The following SYS1 variants were observed in gnomAD, a reference collection of about 807,000 sequenced individuals.
The protein encoded by SYS1 is SYS1 golgi trafficking protein.
In SYS1, 8 loss-of-function variants were observed where a neutral mutation model predicts 17.8. That is an observed-to-expected ratio of 0.45 (90% CI 0.26 to 0.81). The LOEUF (loss-of-function observed/expected upper bound fraction) is 0.81. SYS1 is among the 40% of genes least tolerant of loss of function. SYS1 has a pLI of 0.16. For synonymous variants in SYS1, 95 were observed against 90.9 expected (o/e 1.05, Z -0.26); for missense variants, 161 against 203.9 (o/e 0.79, Z 1.28).
intron 3 of SYS1, among the ~76,000 whole-genome samples, chr20:45,366,060 G>A (rs1231515710): frequency 6.6e-6 from 1 of 152,180 alleles, no homozygotes; most frequent in Non-Finnish European, 1.5e-5. Flanking sequence ...GTCCATGAGG[G>A]TTTGGACTCA....
At chr20:45,362,921 C>T (rs1988266616), upstream of SYS1, 1 of 160,696 alleles carries the variant, frequency 6.2e-6, no homozygotes, top group Non-Finnish European at 1.3e-5. Context: ...TAAGCCACCC[C>T]ACTTGCCTCT....
chr20:45,375,476 T>G (rs765273581), exon 4 of SYS1: 2 of 1,613,928 alleles, frequency 1.2e-6, no homozygotes, highest in East Asian at 4.5e-5. Flanking sequence ...TTCTTGGACT[T>G]GAGTTCCTTC....
In SYS1 at chr20:45,363,168, G is replaced by A; in HGVS notation, c.-151G>A. Reference sequence around the variant, plus strand: ...CCCGGAAACGTTTCTTTCCTACGCAGCCGCTCCTGCCGCCGTGGTCGCTGG... The same window carrying A: ...CCCGGAAACGTTTCTTTCCTACGCAACCGCTCCTGCCGCCGTGGTCGCTGG... On this transcript the variant is annotated 5_prime_UTR_variant, in exon 1 of 4. Transcript: ENST00000243918. 9.6e-7 allele frequency: 1 copy of A among 1,039,754 alleles called. No homozygotes were observed. The highest frequency in any genetic ancestry group is 1.2e-6 in the Non-Finnish European group (1 of 862,510). The allele number at this position is 1,039,754 out of a possible 1,614,324, so 64.4% of individuals were successfully genotyped here.
intron 2 of SYS1, 146 bp downstream of exon 2, chr20:45,363,839 G>T: frequency 1.1e-6 from 1 of 878,628 alleles, no homozygotes; most frequent in Admixed American, 2.9e-5. Context: ...AGCCTCAGCT[G>T]CCTCATCCAT....
intron 3 of SYS1, 87 bp from the exon 4 acceptor site, chr20:45,366,788 T>C: frequency 9.1e-7 from 1 of 1,100,010 alleles, no homozygotes; most frequent in East Asian, 2.4e-5. Flanking sequence ...CTGACCACTA[T>C]GCTGCCGTCC....
At chr20:45,369,444 A>G (rs1600750578), downstream of SYS1, among the ~76,000 whole-genome samples, 4 of 152,308 alleles carry the variant, frequency 2.6e-5, no homozygotes, top group South Asian at 8.3e-4. Flanking sequence ...CTGACTGGCT[A>G]AACAGTCTGG....
chr20:45,370,508 C>G (rs2145359777), downstream of SYS1, among the ~76,000 whole-genome samples: 1 of 152,260 alleles, frequency 6.6e-6, no homozygotes, highest in Middle Eastern at 3.4e-3. Flanking sequence ...GAGGGTACTT[C>G]TAACCCCTCG....
downstream of SYS1, among the ~76,000 whole-genome samples, chr20:45,369,918 A>G (rs1202251799): frequency 6.7e-6 from 1 of 148,496 alleles, no homozygotes; most frequent in Non-Finnish European, 1.5e-5. Context: ...ACCAAGCCCA[A>G]CTGGCCTTTT....
downstream of SYS1, among the ~76,000 whole-genome samples, chr20:45,371,137 G>T (rs1169405763): frequency 1.3e-5 from 2 of 152,100 alleles, no homozygotes; most frequent in Non-Finnish European, 2.9e-5. Context: ...GGTAATAATG[G>T]TACTTATTTC....
downstream of SYS1, among the ~76,000 whole-genome samples, chr20:45,371,689 C>T (rs1478468189): frequency 6.6e-6 from 1 of 152,190 alleles, no homozygotes; most frequent in Non-Finnish European, 1.5e-5. Flanking sequence ...ATCTAAATGC[C>T]ATATTAGCAA....
At chr20:45,374,087 G>A, downstream of SYS1, 1 of 1,373,270 alleles carries the variant, frequency 7.3e-7, no homozygotes. Flanking sequence ...GCGGGCGCAG[G>A]GACAAGGGTG....
At chr20:45,363,464 C>A in intron 1 of SYS1, 65 bp from the exon 2 acceptor site, 2 of 1,517,152 alleles carry the variant, frequency 1.3e-6, no homozygotes, top group Non-Finnish European at 8.8e-7. Flanking sequence ...AGTCCCTCCT[C>A]CCGGGCGGGG....
downstream of SYS1, among the ~76,000 whole-genome samples, chr20:45,370,026 G>A (rs1988528870): frequency 6.6e-6 from 1 of 151,942 alleles, no homozygotes. Flanking sequence ...CTGGGTTCAA[G>A]CAATGCTCAT....
chr20:45,370,561 G>A (rs565564010), downstream of SYS1, among the ~76,000 whole-genome samples: 162 of 152,210 alleles, frequency 1.1e-3, no homozygotes, highest in African/African-American at 3.7e-3. Context: ...TGAGAGCCAC[G>A]ATGGCAGCCA....
exon 4 of SYS1, chr20:45,374,307 C>G (rs1185173391): frequency 8.6e-6 from 6 of 696,232 alleles, no homozygotes; most frequent in East Asian, 2.7e-5. Flanking sequence ...GGGTCTTGCT[C>G]TCTTGCCCAG....
rs940077690 is a variant in SYS1 at position 45,368,352 on chromosome 20, C to T, written c.*1237C>T. On this transcript the variant is annotated 3_prime_UTR_variant, in exon 4 of 4. Coordinates refer to ENST00000243918, the MANE Select transcript of SYS1 (RefSeq NM_033542.4). Reference sequence around the variant, plus strand: ...CATAATTCTTGGGTTTCCGTTCCTACTTGCTAGTGATTTCTGAACATGTTC... The same window carrying T: ...CATAATTCTTGGGTTTCCGTTCCTATTTGCTAGTGATTTCTGAACATGTTC... 2.0e-6 allele frequency: 2 copies of T among 985,318 alleles called. No homozygotes were observed. Among genetic ancestry groups the T allele is most frequent in the Admixed American group, 6.2e-5 (1 of 16,260 alleles). The allele number at this position is 985,318 out of a possible 1,614,324, so 61.0% of individuals were successfully genotyped here. A position where few individuals can be genotyped will look rare whatever the true frequency, so the allele number is the denominator to read the frequency against.
chr20:45,363,410 C>A, intron 1 of SYS1, 95 bp downstream of exon 1: 2 of 1,447,466 alleles, frequency 1.4e-6, no homozygotes, highest in Non-Finnish European at 1.8e-6. Flanking sequence ...TCTGTCTGCC[C>A]CGCCTTCCCC....
chr20:45,369,909 C>G (rs1988524758), downstream of SYS1, among the ~76,000 whole-genome samples: 2 of 150,678 alleles, frequency 1.3e-5, no homozygotes, highest in African/African-American at 4.9e-5. Flanking sequence ...GTGTGAGCCA[C>G]CAAGCCCAAC....
In SYS1 at chr20:45,363,678, G is replaced by T; in HGVS notation, c.147G>T (p.Gln49His). Residue 49 changes from glutamine (Q) to histidine (H), a missense_variant, in exon 2 of 4, where the codon CAG becomes CAT. Transcript: ENST00000243918. ...TGCGAAGCAGCCCCTCGCTGGACCA[G>T]ATGTTCGACGCCGAGGTAGGGTCCC... ...GLVRSSPSLD[Q>H]MFDAEILGFS... 6.4e-7 allele frequency: 1 copy of T among 1,568,992 alleles called. No individual in the cohort carries two copies. Among genetic ancestry groups the T allele is most frequent in the Admixed American group, 1.9e-5 (1 of 53,512 alleles).
Sources: allele counts gnomAD v4.1 joint callset (sites outside exome capture counted in the v4.1 genomes callset), GRCh38; gene constraint gnomAD v4.1.1; transcripts MANE v1.5; gene names NCBI Gene and HGNC (gene_info 2026-07-23, HGNC 2026-07-21).